Variants in PTBP3 observed in about 807,000 individuals in gnomAD.
The protein encoded by PTBP3 is polypyrimidine tract-binding protein 3.
Under a neutral mutation model 58.7 loss-of-function variants are expected in PTBP3, and 20 were observed. That is an observed-to-expected ratio of 0.34 (90% CI 0.24 to 0.50). PTBP3 has a LOEUF of 0.50. Ranked by LOEUF, PTBP3 falls within the 20% of genes least tolerant of loss-of-function variation. The pLI, the probability that PTBP3 is intolerant of heterozygous loss-of-function variation, is 0.98. For missense variants in PTBP3, 509 were observed against 637.2 expected, an observed-to-expected ratio of 0.80 and a Z score of 2.17; for synonymous variants, 185 against 219.8, an observed-to-expected ratio of 0.84 and a Z score of 1.40.
chr9:112,357,545 T>C, the PTBP3 span, among the ~76,000 whole-genome samples: 1 of 152,018 alleles, frequency 6.6e-6, no homozygotes, highest in Non-Finnish European at 1.5e-5. Flanking sequence ...GACAGGGTTT[T>C]ATCATGTTGC....
Position 112,252,706 on chromosome 9 carries a change from T to C in PTBP3, c.599A>G (p.Asp200Gly), listed in dbSNP as rs764480815. Residue 200 changes from aspartate to glycine, a missense_variant, in exon 6 of 14, where the codon GAC (aspartate) becomes GGC (glycine). Physicochemically the swap from Asp to Gly is moderately conservative, Grantham distance 94. Coordinates refer to ENST00000374257, the MANE Select transcript of PTBP3 (RefSeq NM_001163788.4). ...TTTGGCATAATGTGCATTTACTGGG[T>C]CAGCATACTGAAGCAAGGCTTGAAA... ...NQFQALLQYA[D>G]PVNAHYAKMA... 1 of 1,610,446 alleles carries C rather than the reference T, an allele frequency of 6.2e-7. No homozygotes were observed. Among genetic ancestry groups the C allele is most frequent in the South Asian group, 1.1e-5 (1 of 90,844 alleles).
chr9:112,360,938 A>G, the PTBP3 span, among the ~76,000 whole-genome samples: 1 of 152,176 alleles, frequency 6.6e-6, no homozygotes, highest in African/African-American at 2.4e-5. Flanking sequence ...ATGCAAGCTC[A>G]GGGTTAGGAG....
At chr9:112,317,080 G>C (rs888279545) in intron 1 of PTBP3, among the ~76,000 whole-genome samples, 2 of 151,632 alleles carry the variant, frequency 1.3e-5, no homozygotes, top group Non-Finnish European at 2.9e-5. Context: ...AGGAGTTCAA[G>C]ACCAGCCTGG....
chr9:112,368,047 T>C, the PTBP3 span, among the ~76,000 whole-genome samples: 85 of 152,302 alleles, frequency 5.6e-4, no homozygotes, highest in African/African-American at 1.9e-3. Context: ...CAGGCTGGAG[T>C]GCAGTGGCAC....
intron 2 of PTBP3, among the ~76,000 whole-genome samples, chr9:112,284,980 CT>C (rs1277524217): frequency 2.0e-5 from 3 of 152,022 alleles, no homozygotes; most frequent in African/African-American, 7.2e-5. Context: ...TGAATTAAGA[CT>C]TTGGGGGATT....
At chr9:112,236,927 G>T (rs1362427737) in intron 7 of PTBP3, among the ~76,000 whole-genome samples, 1 of 152,078 alleles carries the variant, frequency 6.6e-6, no homozygotes, top group Non-Finnish European at 1.5e-5. Context: ...CACAGCTGCC[G>T]AGGCATGGGA....
chr9:112,290,810 A>G (rs1828386503), intron 2 of PTBP3, among the ~76,000 whole-genome samples: 1 of 151,944 alleles, frequency 6.6e-6, no homozygotes, highest in Non-Finnish European at 1.5e-5. Flanking sequence ...TCACTTTTGA[A>G]AATTAGTAGA....
chr9:112,287,334 G>GTTTTTTTTTTTTTTT (rs34426952), intron 2 of PTBP3, among the ~76,000 whole-genome samples: 1 of 96,080 alleles, frequency 1.0e-5, no homozygotes, highest in Non-Finnish European at 1.9e-5. Context: ...TTCTTTTTCA[G>GTTTTTTTTTTTTTTT]TTTTTTGTTT....
Position 112,220,262 on chromosome 9 carries a change from G to A in PTBP3, c.*3589C>T, listed in dbSNP as rs761791432. The A allele has an allele frequency of 6.4e-5, 86 of 1,341,124 alleles. No homozygotes were observed. The South Asian group carries it at 6.7e-4, about 10-fold the overall frequency. The allele number at this position is 1,341,124 out of a possible 1,614,324, so 83.1% of individuals were successfully genotyped here. A position where few individuals can be genotyped will look rare whatever the true frequency, so the allele number is the denominator to read the frequency against. ...TGTAAGCACTGCTGACTGATGGCACGGAGACACTGAAAAGAACAGAGAGCC... is the reference window on the plus strand; with the variant it reads ...TGTAAGCACTGCTGACTGATGGCACAGAGACACTGAAAAGAACAGAGAGCC... On this transcript the variant is annotated 3_prime_UTR_variant, in exon 14 of 14. Coordinates refer to ENST00000374257, the MANE Select transcript of PTBP3 (RefSeq NM_001163788.4).
intron 10 of PTBP3, among the ~76,000 whole-genome samples, chr9:112,230,865 C>T (rs1015331801): frequency 2.0e-5 from 3 of 152,190 alleles, no homozygotes; most frequent in Admixed American, 6.5e-5. Context: ...CATTATACCA[C>T]TCTCTTGCCT....
chr9:112,241,805 T>C (rs1187526411), intron 7 of PTBP3, among the ~76,000 whole-genome samples: 1 of 152,216 alleles, frequency 6.6e-6, no homozygotes, highest in East Asian at 1.9e-4. Flanking sequence ...CTCTGCAATC[T>C]CCCTCTCTCC....
Position 112,222,521 on chromosome 9 carries a change from AATAACCC to A in PTBP3, c.*1323_*1329del, listed in dbSNP as rs1195249417. On this transcript the variant is annotated 3_prime_UTR_variant, in exon 14 of 14. Transcript: ENST00000374257. ...ACTCTACAGCCCCAAATTGATATGC[AATAACCC>A]CTATCAGTCACAATGTAAAGAGGCC... The A allele has an allele frequency of 1.0e-6, 1 of 985,508 alleles. No individual in the cohort carries two copies. The highest frequency in any genetic ancestry group is 1.2e-6 in the Non-Finnish European group (1 of 829,864). The allele number at this position is 985,508 out of a possible 1,614,324, so 61.0% of individuals were successfully genotyped here. A position where few individuals can be genotyped will look rare whatever the true frequency, so the allele number is the denominator to read the frequency against.
intron 1 of PTBP3, among the ~76,000 whole-genome samples, chr9:112,302,582 CTTTTTTTTTTT>C (rs369208342): frequency 0.063 from 7,020 of 110,680 alleles, 439 homozygotes; most frequent in African/African-American, 0.18. Flanking sequence ...TATTCTTCAT[CTTTTTTTTTTT>C]TTTTTTTTTT....
chr9:112,253,909 T>TCACACTG (rs1337647256), intron 5 of PTBP3, among the ~76,000 whole-genome samples: 5 of 152,294 alleles, frequency 3.3e-5, no homozygotes, highest in African/African-American at 1.2e-4. Context: ...TCAGGGAGTA[T>TCACACTG]CTTTATAGCA....
chr9:112,233,272 G>GGGGT (rs1364306046), intron 8 of PTBP3, among the ~76,000 whole-genome samples: 1 of 144,302 alleles, frequency 6.9e-6, no homozygotes, highest in Non-Finnish European at 1.5e-5. Flanking sequence ...TACACTGTAG[G>GGGGT]GTGTGTGTGT....
intron 2 of PTBP3, among the ~76,000 whole-genome samples, chr9:112,289,538 T>C (rs764315804): frequency 2.2e-4 from 33 of 152,132 alleles, no homozygotes; most frequent in Admixed American, 3.3e-4. Flanking sequence ...CCCAACACTT[T>C]GGGAGGCCAA....
At chr9:112,356,586 A>AAG in the PTBP3 span, among the ~76,000 whole-genome samples, 2 of 151,242 alleles carry the variant, frequency 1.3e-5, no homozygotes, top group African/African-American at 2.4e-5. Flanking sequence ...CAGAGCAAAA[A>AAG]AAAAAAATGG....
In PTBP3 at chr9:112,220,151, G is replaced by A. The variant is rs1267044208; in HGVS notation, c.*3700C>T. 7.6e-7 allele frequency: 1 copy of A among 1,312,126 alleles called. No homozygotes were observed. The highest frequency in any genetic ancestry group is 2.2e-5 in the Admixed American group (1 of 45,976). 81.3% of individuals were successfully genotyped at this position (1,312,126 alleles called of 1,614,324 possible). ...ATTAGGTTTTCTAAGGGATAGGTGG[G>A]GAAAAACACATGTACTTTTGTCAAT... is the stretch of plus-strand genomic sequence containing the variant. On this transcript the variant is annotated 3_prime_UTR_variant, in exon 14 of 14. Coordinates refer to ENST00000374257, the MANE Select transcript of PTBP3 (RefSeq NM_001163788.4).
chr9:112,222,620 C>T lies in PTBP3; in HGVS notation c.*1231G>A. On this transcript the variant is annotated 3_prime_UTR_variant, in exon 14 of 14. Coordinates refer to ENST00000374257, the MANE Select transcript of PTBP3 (RefSeq NM_001163788.4). ...CCCCACACCGTCTCTGCACCAAGCA[C>T]CAAAAATTTGATAAAAACTATTACT... 1 of 985,638 alleles carries T rather than the reference C, an allele frequency of 1.0e-6. No individual in the cohort carries two copies. The allele number at this position is 985,638 out of a possible 1,614,324, so 61.1% of individuals were successfully genotyped here. A position where few individuals can be genotyped will look rare whatever the true frequency, so the allele number is the denominator to read the frequency against.
Sources: allele counts gnomAD v4.1 joint callset (sites outside exome capture counted in the v4.1 genomes callset), GRCh38; gene constraint gnomAD v4.1.1; transcripts MANE v1.5; gene names NCBI Gene and HGNC (gene_info 2026-07-23, HGNC 2026-07-21).